The following LAMA3 variants were observed in gnomAD, a reference collection of about 807,000 sequenced individuals.
LAMA3 encodes laminin subunit alpha-3.
In LAMA3, 281 loss-of-function variants were observed where a neutral mutation model predicts 402.0. That is an observed-to-expected ratio of 0.70 (90% CI 0.63 to 0.77). The LOEUF (loss-of-function observed/expected upper bound fraction) is 0.77. LAMA3 is among the 30% of genes least tolerant of loss of function. The pLI, the probability that LAMA3 is intolerant of heterozygous loss-of-function variation, is 0.00. For missense variants in LAMA3, 3,840 were observed against 4,215.5 expected (o/e 0.91, Z 2.47); for synonymous variants, 1,431 against 1,558.4 (o/e 0.92, Z 1.93).
chr18:23,939,477 GCT>G, intron 68 of LAMA3, 91 bp downstream of exon 68: 2 of 1,341,914 alleles, frequency 1.5e-6, no homozygotes, highest in Admixed American at 1.7e-5. Flanking sequence ...ACACCATGCA[GCT>G]CTCTCTAATG....
At position 23,741,364 on chromosome 18, in the gene LAMA3, T is replaced by TA. The variant is rs1201139467; in HGVS notation, c.448-6579_448-6578insA. On this transcript the variant is annotated intron_variant, in intron 2 of 74. Coordinates refer to ENST00000313654, the MANE Select transcript of LAMA3 (RefSeq NM_198129.4). The stretch of plus-strand genomic sequence containing the variant: ...GGATTAAAAGGATCCCTTTTCAGAC[T>TA]GGTTGGGTTGTATTTTCATCCCTGG... Among the ~76,000 whole-genome samples the TA allele has an allele frequency of 3.6e-3, 554 of 152,318 alleles. 2 individuals are homozygous for TA. Among genetic ancestry groups the TA allele is most frequent in the African/African-American group, 0.013 (531 of 41,568 alleles).
intron 50 of LAMA3, 84 bp downstream of exon 50, chr18:23,904,171 G>C: frequency 6.6e-7 from 1 of 1,523,542 alleles, no homozygotes; most frequent in Non-Finnish European, 9.1e-7. Context: ...CCTCCCCTGG[G>C]TTGGCTGGGT....
chr18:23,865,920 C>T (rs2144773251), intron 36 of LAMA3, among the ~76,000 whole-genome samples: 1 of 152,228 alleles, frequency 6.6e-6, no homozygotes, highest in East Asian at 1.9e-4. Context: ...TTTTAGTCTG[C>T]CTCCCTGGTT....
chr18:23,784,220 A>G (rs2062495166), intron 12 of LAMA3, 63 bp downstream of exon 12: 1 of 1,594,554 alleles, frequency 6.3e-7, no homozygotes, highest in Non-Finnish European at 8.6e-7. Context: ...CTCCTGAGGA[A>G]ATGCAGATCT....
At chr18:23,746,703 T>C (rs2061657224) in intron 2 of LAMA3, among the ~76,000 whole-genome samples, 1 of 152,066 alleles carries the variant, frequency 6.6e-6, no homozygotes. Flanking sequence ...ACTTTAATTT[T>C]TAATATGGTG....
chr18:23,781,950 G>A (rs961198501), intron 11 of LAMA3, among the ~76,000 whole-genome samples: 4 of 152,148 alleles, frequency 2.6e-5, no homozygotes, highest in Non-Finnish European at 5.9e-5. Context: ...GTATGAACAA[G>A]TTAAAAATCA....
chr18:23,727,466 C>T (rs1048509378), intron 2 of LAMA3, among the ~76,000 whole-genome samples: 1 of 152,166 alleles, frequency 6.6e-6, no homozygotes, highest in African/African-American at 2.4e-5. Flanking sequence ...GCTGGGACTA[C>T]AGGCACATGC....
At chr18:23,944,561 G>C (rs2082639340) in intron 69 of LAMA3, among the ~76,000 whole-genome samples, 1 of 152,172 alleles carries the variant, frequency 6.6e-6, no homozygotes, top group African/African-American at 2.4e-5. Context: ...ACTAGAGCAA[G>C]GTAAGAAAAT....
In LAMA3 at chr18:23,836,943, C is replaced by T. The variant is rs759738409; in HGVS notation, c.2985-38C>T. ...AGGATGTGCAGAATGAGGGAGATGC[C>T]GGGAGTCAGGCTAAGAAAACTCTGT... On this transcript the variant is annotated intron_variant, in intron 24 of 74. Coordinates refer to ENST00000313654, the MANE Select transcript of LAMA3 (RefSeq NM_198129.4). 85 of 1,469,132 alleles carry T rather than the reference C, an allele frequency of 5.8e-5. No homozygotes were observed. In the Middle Eastern group the frequency reaches 8.7e-4, roughly 15 times the overall value. The allele number at this position is 1,469,132 out of a possible 1,614,324, so 91.0% of individuals were successfully genotyped here. A position where few individuals can be genotyped will look rare whatever the true frequency, so the allele number is the denominator to read the frequency against.
At chr18:23,734,827 G>A (rs1042379367) in intron 2 of LAMA3, among the ~76,000 whole-genome samples, 26 of 152,336 alleles carry the variant, frequency 1.7e-4, no homozygotes, top group African/African-American at 6.3e-4. Flanking sequence ...GAAGAAGCCA[G>A]AAATTTACAG....
intron 11 of LAMA3, among the ~76,000 whole-genome samples, chr18:23,777,940 G>T (rs1267927008): frequency 6.6e-6 from 1 of 152,228 alleles, no homozygotes; most frequent in Non-Finnish European, 1.5e-5. Flanking sequence ...AAAAAGGAAT[G>T]GAGAGCAAGT....
chr18:23,867,808 A>C (rs761718486), intron 36 of LAMA3, 26 bp from the exon 37 acceptor site: 1 of 1,553,458 alleles, frequency 6.4e-7, no homozygotes. Flanking sequence ...GAAGGTACTA[A>C]CACATTCATG....
chr18:23,801,870 C>G (rs954505968), intron 12 of LAMA3, among the ~76,000 whole-genome samples: 1 of 152,040 alleles, frequency 6.6e-6, no homozygotes, highest in African/African-American at 2.4e-5. Context: ...TATCCTTTGC[C>G]CACTTTTAAA....
Position 23,833,828 on chromosome 18 carries a change from G to A in LAMA3, c.2824G>A (p.Val942Met). 6.2e-7 allele frequency: 1 copy of A among 1,612,880 alleles called. No individual in the cohort carries two copies. Residue 942 changes from valine (V) to methionine (M), a missense_variant and splice_region_variant, in exon 24 of 75, where the codon GTG (valine) becomes ATG (methionine). By Grantham distance (21) the Val-to-Met change is conservative. This residue lies in a region of LAMA3 where 2,109 missense variants were observed against 2,376.0 expected (regional missense o/e 0.89). Transcript: ENST00000313654. Reference protein sequence around the residue: ...PVMVDLSGREVELHLRLRIPQ... With the variant: ...PVMVDLSGREMELHLRLRIPQ... Reference sequence around the variant, plus strand: ...TCTGTCTGCTTGGCCTCTGTGACAGGTGGAATTGCATCTGCGGCTGCGCAT... The same window carrying A: ...TCTGTCTGCTTGGCCTCTGTGACAGATGGAATTGCATCTGCGGCTGCGCAT...
At position 23,954,523 on chromosome 18, in the gene LAMA3, A is replaced by T; in HGVS notation, c.9877A>T (p.Ile3293Phe). ...GAPANLTTLR[I>F]PVWKSFFGCL... ...TTCAGCCAATTTGACGACACTGAGG[A>T]TCCCTGTGTGGAAATCATTCTTTGG... The change falls in exon 75 of 75, where the codon ATC becomes TTC. Residue 3293 changes from isoleucine (I) to phenylalanine (F), a missense_variant. By Grantham distance (21) the Ile-to-Phe change is conservative. Around this residue, in one of 3 missense-constraint regions of LAMA3, gnomAD observed 840 missense variants for 981.9 expected, o/e 0.86. Coordinates refer to ENST00000313654, the MANE Select transcript of LAMA3 (RefSeq NM_198129.4). The T allele has an allele frequency of 6.2e-7, 1 of 1,613,712 alleles. No individual in the cohort carries two copies. Among genetic ancestry groups the T allele is most frequent in the Non-Finnish European group, 8.5e-7 (1 of 1,179,904 alleles).
At chr18:23,825,720 T>C (rs1175006960) in intron 21 of LAMA3, among the ~76,000 whole-genome samples, 1 of 152,100 alleles carries the variant, frequency 6.6e-6, no homozygotes, top group East Asian at 1.9e-4. Flanking sequence ...CCATTGATAC[T>C]AGTAACGGGT....
At chr18:23,781,675 T>G (rs1185713784) in intron 11 of LAMA3, among the ~76,000 whole-genome samples, 3 of 152,122 alleles carry the variant, frequency 2.0e-5, no homozygotes, top group Non-Finnish European at 4.4e-5. Context: ...TTTTAGTGGG[T>G]TTGTTGGTGC....
intron 62 of LAMA3, among the ~76,000 whole-genome samples, chr18:23,922,054 G>A (rs993889775): frequency 1.6e-4 from 24 of 152,200 alleles, no homozygotes; most frequent in Non-Finnish European, 2.6e-4. Flanking sequence ...ACATGCTATC[G>A]AGCGTGGAAT....
Position 23,812,079 on chromosome 18 carries a change from C to T in LAMA3, c.1742-978C>T, listed in dbSNP as rs572822849. Among the ~76,000 whole-genome samples the T allele has an allele frequency of 4.3e-4, 66 of 152,122 alleles. 1 individual carries two copies. Among genetic ancestry groups the T allele is most frequent in the East Asian group, 4.3e-3 (22 of 5,156 alleles). On this transcript the variant is annotated intron_variant, in intron 13 of 74. Coordinates refer to ENST00000313654, the MANE Select transcript of LAMA3 (RefSeq NM_198129.4). ...TAGTAGAGATGGGGTTTCACCATGTCAGCCAGGATGATCTTGATCTCCTGA... is the reference window on the plus strand; with the variant it reads ...TAGTAGAGATGGGGTTTCACCATGTTAGCCAGGATGATCTTGATCTCCTGA...
Sources: gnomAD v4.1 joint callset for allele counts (sites outside exome capture counted in the v4.1 genomes callset) on GRCh38, gnomAD v4.1.1 for gene constraint, gnomAD v4.1.1 regional missense constraint, MANE v1.5 for transcripts, NCBI Gene and HGNC (gene_info 2026-07-23, HGNC 2026-07-21) for gene names.